Variants in ROBO2 observed in about 807,000 individuals in gnomAD.
ROBO2 encodes roundabout guidance receptor 2.
ROBO2 carries 53 observed loss-of-function variants against 160.8 expected under a neutral mutation model. The observed-to-expected ratio is 0.33, with a 90% CI of 0.26 to 0.41. The LOEUF is 0.41. ROBO2 is among the 10% of genes least tolerant of loss of function. The pLI is 1.00. For missense variants in ROBO2, 1,577 were observed against 1,722.4 expected (o/e 0.92, Z 1.49); for synonymous variants, 664 against 611.7 (o/e 1.09, Z -1.26).
intron 2 of ROBO2, among the ~76,000 whole-genome samples, chr3:77,109,240 G>A (rs1449659493): frequency 6.6e-6 from 1 of 152,184 alleles, no homozygotes; most frequent in African/African-American, 2.4e-5. Flanking sequence ...AACAAGCTTT[G>A]TTTGATGGGT....
At chr3:76,808,330 T>C (rs1234515279) in intron 2 of ROBO2, among the ~76,000 whole-genome samples, 1 of 152,136 alleles carries the variant, frequency 6.6e-6, no homozygotes, top group Non-Finnish European at 1.5e-5. Flanking sequence ...GACATAACTT[T>C]ACAGTTTCAA....
intron 2 of ROBO2, among the ~76,000 whole-genome samples, chr3:76,115,768 T>C (rs2070441965): frequency 6.6e-6 from 1 of 152,116 alleles, no homozygotes; most frequent in South Asian, 2.1e-4. Context: ...TCTGCTCTTG[T>C]TTCTTTTAAT....
intron 2 of ROBO2, among the ~76,000 whole-genome samples, chr3:76,952,690 T>C (rs1014920658): frequency 1.3e-5 from 2 of 150,054 alleles, no homozygotes; most frequent in Non-Finnish European, 3.0e-5. Flanking sequence ...TGTGTGTGTA[T>C]ATATATATAT....
At chr3:76,017,806 A>C (rs968727774) in intron 2 of ROBO2, among the ~76,000 whole-genome samples, 1 of 152,144 alleles carries the variant, frequency 6.6e-6, no homozygotes, top group African/African-American at 2.4e-5. Flanking sequence ...TAAAAAGATG[A>C]TTCACAGGAT....
At chr3:75,974,376 A>G (rs1185633259) in intron 2 of ROBO2, among the ~76,000 whole-genome samples, 2 of 151,642 alleles carry the variant, frequency 1.3e-5, no homozygotes, top group Non-Finnish European at 3.0e-5. Flanking sequence ...TGCTGTTGCA[A>G]TTATTATCAG....
intron 1 of ROBO2, among the ~76,000 whole-genome samples, chr3:77,085,190 A>G (rs536191745): frequency 8.5e-5 from 13 of 152,286 alleles, no homozygotes; most frequent in Non-Finnish European, 2.9e-5. Flanking sequence ...TACAGTTGTC[A>G]CATCAAAACT....
intron 1 of ROBO2, 111 bp from the exon 2 acceptor site, chr3:77,097,903 T>A: frequency 1.1e-6 from 1 of 940,782 alleles, no homozygotes; most frequent in East Asian, 2.7e-5. Flanking sequence ...CATAAAATAA[T>A]GTTCAGTTGG....
chr3:77,022,466 A>G (rs1014053531), intron 2 of ROBO2, among the ~76,000 whole-genome samples: 19 of 152,292 alleles, frequency 1.2e-4, no homozygotes, highest in Admixed American at 1.2e-3. Flanking sequence ...AAAATATATT[A>G]AGACACTGGC....
intron 2 of ROBO2, among the ~76,000 whole-genome samples, chr3:76,037,350 T>C (rs938511531): frequency 1.3e-5 from 2 of 150,916 alleles, no homozygotes; most frequent in Non-Finnish European, 1.5e-5. Context: ...CTCCGCCTCC[T>C]GGCTTCAAGC....
chr3:76,560,229 C>T (rs2084080523), intron 2 of ROBO2, among the ~76,000 whole-genome samples: 1 of 152,026 alleles, frequency 6.6e-6, no homozygotes, highest in Non-Finnish European at 1.5e-5. Context: ...TAAATTACCA[C>T]GTCTGGACAC....
At chr3:76,072,791 A>G (rs2068505399) in intron 2 of ROBO2, among the ~76,000 whole-genome samples, 1 of 152,172 alleles carries the variant, frequency 6.6e-6, no homozygotes, top group African/African-American at 2.4e-5. Flanking sequence ...GCCTCAAGCG[A>G]TGTTCACGAA....
intron 1 of ROBO2, among the ~76,000 whole-genome samples, chr3:77,070,707 G>A (rs2067318107): frequency 6.6e-6 from 1 of 152,136 alleles, no homozygotes. Context: ...GTGGATCCCA[G>A]TTAGCAGTCT....
chr3:76,488,531 C>T (rs550201183), intron 2 of ROBO2, among the ~76,000 whole-genome samples: 1 of 152,266 alleles, frequency 6.6e-6, no homozygotes, highest in African/African-American at 2.4e-5. Context: ...AGGGGTACAT[C>T]GCTGCTACTT....
intron 2 of ROBO2, among the ~76,000 whole-genome samples, chr3:76,844,232 C>T (rs1040550725): frequency 1.3e-5 from 2 of 151,902 alleles, no homozygotes; most frequent in African/African-American, 4.8e-5. Context: ...GCAACTGGTA[C>T]AAATAATAGA....
chr3:77,575,920 C>T (rs2093750996), intron 14 of ROBO2, among the ~76,000 whole-genome samples: 1 of 151,970 alleles, frequency 6.6e-6, no homozygotes, highest in Non-Finnish European at 1.5e-5. Flanking sequence ...CATTCATCTC[C>T]AATTTCTGTG....
chr3:77,595,130 CT>C lies in ROBO2; in HGVS notation c.2684-6del. On this transcript the variant is annotated splice_polypyrimidine_tract_variant and intron_variant, in intron 17 of 25. Coordinates refer to ENST00000461745, the Ensembl canonical transcript of ROBO2. ...TGTGTGTGCATGTCTTCCTTTTTTT[CT>C]TTTTTCATAGTTACGTTTCAAAGAG... 4 of 1,606,446 alleles carry C rather than the reference CT, an allele frequency of 2.5e-6. No homozygotes were observed. The highest frequency in any genetic ancestry group is 2.6e-6 in the Non-Finnish European group (3 of 1,173,984).
At chr3:77,057,848 C>A (rs9784331) in intron 1 of ROBO2, among the ~76,000 whole-genome samples, 108,908 of 151,824 alleles carry the variant, frequency 0.72, 42,819 homozygotes, top group Middle Eastern at 0.87. Flanking sequence ...GGATTACAGG[C>A]GTGAGCCACC....
intron 2 of ROBO2, among the ~76,000 whole-genome samples, chr3:77,247,343 CTATT>C (rs2089842004): frequency 1.3e-5 from 2 of 152,190 alleles, no homozygotes; most frequent in Admixed American, 6.5e-5. Context: ...TCAGCAGACT[CTATT>C]TATGTGGCGA....
intron 2 of ROBO2, among the ~76,000 whole-genome samples, chr3:77,293,677 G>T (rs1312841853): frequency 2.9e-5 from 4 of 138,002 alleles, no homozygotes; most frequent in Admixed American, 7.6e-5. Context: ...AAAATTGATG[G>T]TTAAATGGGA....
Sources: gnomAD v4.1 joint callset for allele counts (sites outside exome capture counted in the v4.1 genomes callset) on GRCh38, gnomAD v4.1.1 for gene constraint, MANE v1.5 for transcripts, NCBI Gene and HGNC (gene_info 2026-07-23, HGNC 2026-07-21) for gene names.